The following CNR1 variants were observed in gnomAD, a reference collection of about 807,000 sequenced individuals.
The protein encoded by CNR1 is cannabinoid receptor 1.
A neutral mutation model predicts 23.0 loss-of-function variants in CNR1; 10 were observed. That is an observed-to-expected ratio of 0.43 (90% CI 0.27 to 0.74). CNR1 has a LOEUF of 0.74. Among genes scored for constraint, CNR1 ranks in the 30% least tolerant of loss-of-function variants. The pLI is 0.19. For missense variants in CNR1, 422 were observed against 618.8 expected, an observed-to-expected ratio of 0.68 and a Z score of 3.37; for synonymous variants, 271 against 255.2, an observed-to-expected ratio of 1.06 and a Z score of -0.59.
At chr6:88,150,333 C>T (rs1562508886) in intron 1 of CNR1, among the ~76,000 whole-genome samples, 1 of 152,178 alleles carries the variant, frequency 6.6e-6, no homozygotes, top group Non-Finnish European at 1.5e-5. Context: ...ATCCCTATAT[C>T]CCAGCCACCT....
chr6:88,157,697 C>T (rs903450589), intron 1 of CNR1, among the ~76,000 whole-genome samples: 1 of 152,090 alleles, frequency 6.6e-6, no homozygotes, highest in Admixed American at 6.5e-5. Flanking sequence ...GTCTCAGGAA[C>T]CCACAATCAA....
At chr6:88,153,022 G>C (rs1777609997) in intron 1 of CNR1, among the ~76,000 whole-genome samples, 1 of 152,112 alleles carries the variant, frequency 6.6e-6, no homozygotes, top group African/African-American at 2.4e-5. Context: ...CTAGAATTCT[G>C]CTTTAAAAAA....
rs1582319353 is a variant in CNR1, at chr6:88,143,181, T to C, written c.*675A>G. 1 of 152,390 alleles carries C rather than the reference T, an allele frequency of 6.6e-6. No homozygotes were observed. The highest frequency in any genetic ancestry group is 1.5e-5 in the Non-Finnish European group (1 of 68,040). The allele number at this position is 152,390 out of a possible 1,614,324, so 9.4% of individuals were successfully genotyped here. On this transcript the variant is annotated 3_prime_UTR_variant, in exon 2 of 2. Transcript: ENST00000369501. ...TTTTGAAGTCTTCAAATTCTTCTTG[T>C]TGAGGTAACAGAAAAATAAACCTTT...
At chr6:88,165,520 C>G (rs1314369195) in intron 1 of CNR1, among the ~76,000 whole-genome samples, 1 of 152,174 alleles carries the variant, frequency 6.6e-6, no homozygotes, top group Admixed American at 6.5e-5. Context: ...ACTCAAGCGC[C>G]CGTTTTTCAA....
intron 1 of CNR1, among the ~76,000 whole-genome samples, chr6:88,162,776 T>C (rs1327731777): frequency 2.6e-5 from 4 of 152,196 alleles, no homozygotes; most frequent in Non-Finnish European, 5.9e-5. Context: ...CCTCTCAAAA[T>C]ACAGATATGC....
chr6:88,154,523 G>A (rs1480576985), intron 1 of CNR1, among the ~76,000 whole-genome samples: 26 of 152,188 alleles, frequency 1.7e-4, no homozygotes, highest in Admixed American at 6.5e-5. Context: ...AGAGTGCCTT[G>A]GCACTTTTCT....
At chr6:88,149,354 T>C (rs1298762089) in intron 1 of CNR1, among the ~76,000 whole-genome samples, 2 of 152,206 alleles carry the variant, frequency 1.3e-5, no homozygotes, top group Non-Finnish European at 1.5e-5. Context: ...ATATCTTTTC[T>C]CATATCCTCA....
At chr6:88,154,122 T>C (rs963238474) in intron 1 of CNR1, among the ~76,000 whole-genome samples, 1 of 152,364 alleles carries the variant, frequency 6.6e-6, no homozygotes, top group Middle Eastern at 3.4e-3. Context: ...CAGTTTTTCA[T>C]ATATTTTGTA....
intron 1 of CNR1, among the ~76,000 whole-genome samples, chr6:88,149,461 T>C (rs934826697): frequency 6.6e-6 from 1 of 152,170 alleles, no homozygotes; most frequent in Admixed American, 6.5e-5. Flanking sequence ...ACAACTCCAT[T>C]TACATATGGA....
intron 1 of CNR1, among the ~76,000 whole-genome samples, chr6:88,161,110 A>G (rs1778082572): frequency 6.6e-6 from 1 of 152,228 alleles, no homozygotes; most frequent in African/African-American, 2.4e-5. Flanking sequence ...ATAGAATATT[A>G]TGCAATAGCA....
At position 88,145,083 on chromosome 6, in the gene CNR1, C is replaced by T. The variant is rs759938792; in HGVS notation, c.192G>A (p.Ala64=). ...RGSPFQEKMT[A]GDNPQLVPAD... ...CTGGGACTAGCTGGGGGTTGTCTCC[C>T]GCAGTCATCTTCTCTTGGAAGGGAC... The change falls in exon 2 of 2, where the codon GCG becomes GCA. Residue 64 remains alanine (A), a synonymous_variant. Transcript: ENST00000369501. 1.2e-5 allele frequency: 20 copies of T among 1,614,018 alleles called. No homozygotes were observed. Among genetic ancestry groups the T allele is most frequent in the East Asian group, 2.2e-5 (1 of 44,898 alleles).
intron 1 of CNR1, among the ~76,000 whole-genome samples, chr6:88,155,937 A>G (rs1777770708): frequency 6.6e-6 from 1 of 152,218 alleles, no homozygotes; most frequent in Admixed American, 6.5e-5. Flanking sequence ...CGAATAGGGC[A>G]CCTTCTTTAG....
intron 1 of CNR1, among the ~76,000 whole-genome samples, chr6:88,154,574 T>A (rs1377083747): frequency 6.6e-6 from 1 of 152,088 alleles, no homozygotes; most frequent in Non-Finnish European, 1.5e-5. Context: ...AAGAAAGCAA[T>A]TTTTTTTATT....
In CNR1 at chr6:88,165,630, TAGA is replaced by T. The variant is rs1562520710; in HGVS notation, c.-64+170_-64+172del. 3.9e-5 allele frequency among the ~76,000 whole-genome samples: 6 copies of T among 152,222 alleles called. No individual in the cohort carries two copies. In the East Asian group the frequency reaches 1.2e-3, roughly 29 times the overall value. On this transcript the variant is annotated intron_variant, in intron 1 of 1. Transcript: ENST00000369501. ...AGTAAATGGTAGAAATCTCCAGAAGTAGAACAGATCACAGTTAACAGGCTGGGG... is the reference window on the plus strand; with the variant it reads ...AGTAAATGGTAGAAATCTCCAGAAGTACAGATCACAGTTAACAGGCTGGGG...
intron 1 of CNR1, among the ~76,000 whole-genome samples, chr6:88,149,031 G>C (rs1257812032): frequency 6.6e-6 from 1 of 152,166 alleles, no homozygotes; most frequent in Non-Finnish European, 1.5e-5. Context: ...GAATAAAGCA[G>C]ATGGGAGCCA....
At chr6:88,151,661 T>C (rs969842250) in intron 1 of CNR1, among the ~76,000 whole-genome samples, 4 of 151,562 alleles carry the variant, frequency 2.6e-5, no homozygotes, top group Non-Finnish European at 4.4e-5. Flanking sequence ...ACTAATTATA[T>C]TGTAAGAATA....
At chr6:88,156,203 G>A (rs1470379828) in intron 1 of CNR1, among the ~76,000 whole-genome samples, 2 of 152,226 alleles carry the variant, frequency 1.3e-5, no homozygotes, top group Non-Finnish European at 2.9e-5. Context: ...CCCAATGGAT[G>A]TAAAACTGCA....
At chr6:88,161,778 G>A (rs914039710) in intron 1 of CNR1, among the ~76,000 whole-genome samples, 7 of 152,156 alleles carry the variant, frequency 4.6e-5, no homozygotes, top group African/African-American at 1.2e-4. Context: ...AGCAAGAGAG[G>A]TGACAGCGTC....
At chr6:88,147,282 A>C (rs370659425) in intron 1 of CNR1, among the ~76,000 whole-genome samples, 5 of 152,236 alleles carry the variant, frequency 3.3e-5, no homozygotes, top group African/African-American at 1.2e-4. Flanking sequence ...ACTGCACTCC[A>C]GTCTGGCAAC....
Sources: allele counts gnomAD v4.1 joint callset (sites outside exome capture counted in the v4.1 genomes callset), GRCh38; gene constraint gnomAD v4.1.1; transcripts MANE v1.5; gene names NCBI Gene and HGNC (gene_info 2026-07-23, HGNC 2026-07-21).